ALPK2: variants seen among roughly 807,000 people sequenced by gnomAD.
ALPK2 encodes the protein alpha-protein kinase 2.
Under a neutral mutation model 163.1 loss-of-function variants are expected in ALPK2, and 127 were observed. That is an observed-to-expected ratio of 0.78 (90% CI 0.67 to 0.90). The LOEUF (loss-of-function observed/expected upper bound fraction) is 0.90, where lower values mean the gene tolerates loss of function less well. ALPK2 is among the 40% of genes least tolerant of loss of function. ALPK2 has a pLI of 0.00. For synonymous variants in ALPK2, 953 were observed against 959.1 expected, an observed-to-expected ratio of 0.99 and a Z score of 0.12; for missense variants, 2,360 against 2,589.6, an observed-to-expected ratio of 0.91 and a Z score of 1.92.
chr18:58,550,219 A>G (rs985573716), intron 4 of ALPK2, among the ~76,000 whole-genome samples: 10 of 151,946 alleles, frequency 6.6e-5, no homozygotes, highest in Admixed American at 5.9e-4. Context: ...ACCCTTATCT[A>G]TGCCTCTCTC....
chr18:58,619,877 C>T (rs893717253), intron 1 of ALPK2, among the ~76,000 whole-genome samples: 1 of 152,132 alleles, frequency 6.6e-6, no homozygotes, highest in African/African-American at 2.4e-5. Context: ...TCATAATAGC[C>T]AAAAATTGGA....
chr18:58,543,461 C>A, intron 4 of ALPK2: 1 of 940,478 alleles, frequency 1.1e-6, no homozygotes, highest in Non-Finnish European at 1.3e-6. Context: ...GGGGGCCATG[C>A]GGGGCTCTGG....
chr18:58,497,323 G>C (rs904170314), intron 12 of ALPK2, among the ~76,000 whole-genome samples: 1 of 152,190 alleles, frequency 6.6e-6, no homozygotes, highest in Admixed American at 6.5e-5. Context: ...GAGCAGGAGT[G>C]GGCAAAGGCG....
At chr18:58,618,305 C>A (rs1451667446) in intron 1 of ALPK2, among the ~76,000 whole-genome samples, 1 of 152,188 alleles carries the variant, frequency 6.6e-6, no homozygotes, top group Non-Finnish European at 1.5e-5. Context: ...CCCCGGCCTC[C>A]CAAAGTGCTG....
intron 4 of ALPK2, among the ~76,000 whole-genome samples, chr18:58,554,830 G>A (rs2051781432): frequency 2.0e-5 from 3 of 152,168 alleles, no homozygotes; most frequent in Non-Finnish European, 2.9e-5. Context: ...CCCATGTATT[G>A]TGGGAGGGAC....
chr18:58,574,971 T>C (rs1429965680), intron 4 of ALPK2, among the ~76,000 whole-genome samples: 1 of 152,060 alleles, frequency 6.6e-6, no homozygotes, highest in Non-Finnish European at 1.5e-5. Flanking sequence ...CCCAGCACTT[T>C]GGGAGGCCGA....
At chr18:58,613,734 AT>A (rs2052149091) in intron 1 of ALPK2, among the ~76,000 whole-genome samples, 1 of 148,248 alleles carries the variant, frequency 6.7e-6, no homozygotes, top group African/African-American at 2.5e-5. Flanking sequence ...AATAATAATA[AT>A]AATAATAATA....
intron 12 of ALPK2, among the ~76,000 whole-genome samples, chr18:58,493,026 A>G (rs756471718): frequency 2.6e-5 from 4 of 152,148 alleles, no homozygotes; most frequent in African/African-American, 7.2e-5. Context: ...GGCCACATAA[A>G]TCAGCCAGCG....
At chr18:58,577,644 C>A (rs776728801) in intron 4 of ALPK2, among the ~76,000 whole-genome samples, 6 of 152,194 alleles carry the variant, frequency 3.9e-5, no homozygotes, top group Non-Finnish European at 8.8e-5. Flanking sequence ...GAATCTGGTT[C>A]TCCTGTGAAA....
At chr18:58,549,992 C>T (rs532117861) in intron 4 of ALPK2, among the ~76,000 whole-genome samples, 3 of 152,240 alleles carry the variant, frequency 2.0e-5, no homozygotes, top group Admixed American at 2.0e-4. Context: ...GTCTCCGTCA[C>T]CTTCCTCCTC....
chr18:58,544,379 T>C (rs981882721), intron 4 of ALPK2: 1 of 152,220 alleles, frequency 6.6e-6, no homozygotes, highest in Non-Finnish European at 1.5e-5. Context: ...CACCCCAGGA[T>C]GTTCAAGGTT....
chr18:58,569,265 T>A (rs144040946), intron 4 of ALPK2, among the ~76,000 whole-genome samples: 1 of 152,142 alleles, frequency 6.6e-6, no homozygotes, highest in African/African-American at 2.4e-5. Flanking sequence ...CTTGGAAGTA[T>A]AGAGAATCAC....
chr18:58,617,014 T>C (rs118111784), intron 1 of ALPK2, among the ~76,000 whole-genome samples: 2,745 of 152,174 alleles, frequency 0.018, 37 homozygotes, highest in South Asian at 0.029. Context: ...CACCCACCAG[T>C]GTCTGCAGCT....
intron 1 of ALPK2, among the ~76,000 whole-genome samples, chr18:58,613,639 C>T (rs561635247): frequency 3.3e-4 from 50 of 149,714 alleles, no homozygotes; most frequent in African/African-American, 1.1e-3. Context: ...GCAGAGGTTG[C>T]GGTGAGCCGA....
intron 4 of ALPK2, chr18:58,557,277 G>A (rs1237137780): frequency 6.6e-6 from 1 of 152,208 alleles, no homozygotes; most frequent in African/African-American, 2.4e-5. Flanking sequence ...AGCAGACCAT[G>A]GCTAAGAACA....
At chr18:58,542,326 A>G (rs1224764107) in intron 4 of ALPK2, among the ~76,000 whole-genome samples, 1 of 152,162 alleles carries the variant, frequency 6.6e-6, no homozygotes, top group African/African-American at 2.4e-5. Flanking sequence ...ACTGATACTA[A>G]TTTTCCTTCT....
intron 4 of ALPK2, chr18:58,578,230 A>T (rs1409497530): frequency 1.3e-5 from 2 of 152,172 alleles, no homozygotes; most frequent in African/African-American, 2.4e-5. Context: ...CCAATCAAAA[A>T]CATCCCACCA....
At chr18:58,539,380 A>G (rs2051678077) in intron 4 of ALPK2, among the ~76,000 whole-genome samples, 1 of 152,178 alleles carries the variant, frequency 6.6e-6, no homozygotes, top group Non-Finnish European at 1.5e-5. Flanking sequence ...AGAGAAAAAG[A>G]AACCTCACAT....
At chr18:58,485,740 G>A (rs146711880) in intron 12 of ALPK2, among the ~76,000 whole-genome samples, 2 of 152,338 alleles carry the variant, frequency 1.3e-5, no homozygotes, top group African/African-American at 4.8e-5. Context: ...CTGGTGAGAC[G>A]CAGGGCCTGC....
Sources: gnomAD v4.1 joint callset for allele counts (sites outside exome capture counted in the v4.1 genomes callset) on GRCh38, gnomAD v4.1.1 for gene constraint, MANE v1.5 for transcripts, NCBI Gene and HGNC (gene_info 2026-07-23, HGNC 2026-07-21) for gene names.